The following EFCAB6 variants were observed in gnomAD, a reference collection of about 807,000 sequenced individuals.
EFCAB6 encodes EF-hand calcium-binding domain-containing protein 6.
Under a neutral mutation model 169.8 loss-of-function variants are expected in EFCAB6, and 156 were observed. The ratio of observed to expected loss-of-function variants is 0.92; its 90% CI spans 0.81 to 1.05. The LOEUF (loss-of-function observed/expected upper bound fraction) is 1.05. Ranked by LOEUF, EFCAB6 falls within the 50% of genes least tolerant of loss-of-function variation. The pLI, the probability that EFCAB6 is intolerant of heterozygous loss-of-function variation, is 0.00. For missense variants in EFCAB6, 1,800 were observed against 1,829.1 expected, an observed-to-expected ratio of 0.98 and a Z score of 0.29; for synonymous variants, 698 against 676.4, an observed-to-expected ratio of 1.03 and a Z score of -0.50.
chr22:43,625,966 C>CTTTTAAA (rs1176023449), intron 20 of EFCAB6, among the ~76,000 whole-genome samples: 23 of 152,324 alleles, frequency 1.5e-4, no homozygotes, highest in Admixed American at 1.3e-3. Flanking sequence ...ACAGGTCTCC[C>CTTTTAAA]AAGCTTCAAT....
chr22:43,573,746 A>G (rs928333288), intron 26 of EFCAB6, among the ~76,000 whole-genome samples: 46 of 151,890 alleles, frequency 3.0e-4, no homozygotes, highest in Non-Finnish European at 4.7e-4. Flanking sequence ...AAAAAAAAAA[A>G]AAAAAAAAGG....
rs935484978 is a variant in EFCAB6 at position 43,620,814 on chromosome 22, T to A, written c.2466-4892A>T. ...TTAACACTCCTCTCTTAGTAACTGA[T>A]AGAATAAGGAGATAGAAAATAATGA... is the stretch of plus-strand genomic sequence containing the variant. On this transcript the variant is annotated intron_variant, in intron 20 of 31. Transcript: ENST00000262726. Among the ~76,000 whole-genome samples the A allele has an allele frequency of 3.3e-5, 5 of 152,158 alleles. No individual in the cohort carries two copies. The East Asian group carries it at 7.7e-4, about 24-fold the overall frequency.
chr22:43,785,602 AG>A (rs77571308), intron 2 of EFCAB6, among the ~76,000 whole-genome samples: 23,124 of 152,156 alleles, frequency 0.15, 1,815 homozygotes, highest in South Asian at 0.22. Flanking sequence ...TTAAGAAACT[AG>A]AAAAATAAGA....
At chr22:43,786,686 C>G (rs2062089243) in intron 2 of EFCAB6, among the ~76,000 whole-genome samples, 1 of 151,678 alleles carries the variant, frequency 6.6e-6, no homozygotes, top group South Asian at 2.1e-4. Context: ...TGCACTCCAG[C>G]CTGGGCGATA....
intron 21 of EFCAB6, among the ~76,000 whole-genome samples, chr22:43,611,273 T>C (rs1230978643): frequency 6.6e-6 from 1 of 152,092 alleles, no homozygotes; most frequent in African/African-American, 2.4e-5. Context: ...ACAAAATACC[T>C]TGGAATATAG....
chr22:43,560,950 G>A (rs985718268), intron 26 of EFCAB6, among the ~76,000 whole-genome samples: 1 of 152,336 alleles, frequency 6.6e-6, no homozygotes, highest in East Asian at 1.9e-4. Context: ...GCGTGGCGGC[G>A]TGGGGAAGGT....
chr22:43,741,127 A>G (rs573492457), intron 6 of EFCAB6, among the ~76,000 whole-genome samples: 1 of 152,288 alleles, frequency 6.6e-6, no homozygotes, highest in South Asian at 2.1e-4. Context: ...AGGAGAGATG[A>G]AAAAGTAAGA....
intron 11 of EFCAB6, 120 bp from the exon 12 acceptor site, chr22:43,683,975 CTT>C: frequency 1.4e-6 from 1 of 711,452 alleles, no homozygotes; most frequent in Non-Finnish European, 2.4e-6. Context: ...GTGCGTGGCT[CTT>C]TTTCCTGACA....
chr22:43,678,201 A>G (rs375165743), intron 12 of EFCAB6, 38 bp from the exon 13 acceptor site: 9 of 1,564,494 alleles, frequency 5.8e-6, no homozygotes, highest in Non-Finnish European at 6.0e-6. Flanking sequence ...TTTTTGAAAA[A>G]AAAAAAAAAA....
At chr22:43,791,427 T>C (rs1037106973) in intron 2 of EFCAB6, among the ~76,000 whole-genome samples, 1 of 150,184 alleles carries the variant, frequency 6.7e-6, no homozygotes, top group African/African-American at 2.5e-5. Flanking sequence ...AAAGGCATGA[T>C]ATGAGATAGT....
intron 17 of EFCAB6, among the ~76,000 whole-genome samples, chr22:43,666,209 G>A (rs955806157): frequency 2.0e-5 from 3 of 152,202 alleles, no homozygotes; most frequent in Non-Finnish European, 2.9e-5. Flanking sequence ...GACCCTCCAC[G>A]TCTTGTCTTG....
chr22:43,749,722 G>A (rs991712421), intron 6 of EFCAB6, among the ~76,000 whole-genome samples: 7 of 152,182 alleles, frequency 4.6e-5, no homozygotes, highest in African/African-American at 1.7e-4. Context: ...CAGCCTGGGG[G>A]ATGGGGACTG....
chr22:43,802,869 T>C (rs1237420488), intron 2 of EFCAB6: 2 of 373,150 alleles, frequency 5.4e-6, no homozygotes, highest in Non-Finnish European at 1.0e-5. Flanking sequence ...GCAGAAGCTA[T>C]ATTGTTAGCA....
chr22:43,640,807 A>T (rs1265102000), intron 17 of EFCAB6, among the ~76,000 whole-genome samples: 3 of 152,204 alleles, frequency 2.0e-5, no homozygotes, highest in Admixed American at 1.3e-4. Context: ...AACATTGTCC[A>T]GTGTTTATAC....
intron 22 of EFCAB6, among the ~76,000 whole-genome samples, chr22:43,600,544 C>T (rs534523370): frequency 6.6e-6 from 1 of 152,302 alleles, no homozygotes; most frequent in African/African-American, 2.4e-5. Context: ...CCACACATGG[C>T]CTGCCAGGAG....
chr22:43,577,744 A>G (rs1268281363), intron 25 of EFCAB6, among the ~76,000 whole-genome samples: 1 of 152,192 alleles, frequency 6.6e-6, no homozygotes, highest in Non-Finnish European at 1.5e-5. Flanking sequence ...AGGTGTGAAG[A>G]GGAGCCTCCT....
Position 43,792,077 on chromosome 22 carries a change from G to C in EFCAB6, c.-7-9752C>G, listed in dbSNP as rs139003104. On this transcript the variant is annotated intron_variant, in intron 2 of 31. Coordinates refer to ENST00000262726, the MANE Select transcript of EFCAB6 (RefSeq NM_022785.4). ...GGTGTGGTGATGGGAGCCTGTGGCA[G>C]CTCCCTTCTGATTCTGCTTTCTCCT... is the stretch of plus-strand genomic sequence containing the variant. Among the ~76,000 whole-genome samples, 38 of 152,328 alleles carry C rather than the reference G, an allele frequency of 2.5e-4. 1 individual carries two copies. The highest frequency in any genetic ancestry group is 8.4e-4 in the African/African-American group (35 of 41,578).
rs186139240 is a variant in EFCAB6 at position 43,791,631 on chromosome 22, G to A, written c.-7-9306C>T. 7.0e-4 allele frequency among the ~76,000 whole-genome samples: 106 copies of A among 152,152 alleles called. 1 individual carries two copies. Among genetic ancestry groups the A allele is most frequent in the African/African-American group, 2.3e-3 (97 of 41,520 alleles). On this transcript the variant is annotated intron_variant, in intron 2 of 31. Coordinates refer to ENST00000262726, the MANE Select transcript of EFCAB6 (RefSeq NM_022785.4). ...TTGATGGTGAGTGTCAAATGCCACC[G>A]TAATAAGGGCTTCGGTTTGAGTGAG... is the stretch of plus-strand genomic sequence containing the variant.
intron 27 of EFCAB6, among the ~76,000 whole-genome samples, chr22:43,549,255 T>C (rs1022200543): frequency 1.3e-5 from 2 of 152,094 alleles, no homozygotes; most frequent in Non-Finnish European, 2.9e-5. Flanking sequence ...AGAAAATTAA[T>C]ATCAACTAAA....
Sources: gnomAD v4.1 joint callset for allele counts (sites outside exome capture counted in the v4.1 genomes callset) on GRCh38, gnomAD v4.1.1 for gene constraint, MANE v1.5 for transcripts, NCBI Gene and HGNC (gene_info 2026-07-23, HGNC 2026-07-21) for gene names.